QSOX2: variants seen among roughly 807,000 people sequenced by gnomAD.
The protein encoded by QSOX2 is sulfhydryl oxidase 2.
A neutral mutation model predicts 61.7 loss-of-function variants in QSOX2; 46 were observed. That is an observed-to-expected ratio of 0.75 (90% confidence interval 0.59 to 0.95). QSOX2 has a LOEUF of 0.95. Ranked by LOEUF, QSOX2 falls within the 40% of genes least tolerant of loss-of-function variation. QSOX2 has a pLI of 0.00. For missense variants in QSOX2, 879 were observed against 918.9 expected (o/e 0.96, Z 0.56); for synonymous variants, 383 against 388.4 (o/e 0.99, Z 0.16).
intron 1 of QSOX2, among the ~76,000 whole-genome samples, chr9:136,230,581 G>A (rs571749063): frequency 1.2e-4 from 19 of 152,170 alleles, no homozygotes; most frequent in East Asian, 1.9e-4. Context: ...TCCTTATCAC[G>A]TCGGGCCACA....
intron 6 of QSOX2, 63 bp from the exon 7 acceptor site, chr9:136,219,227 C>A: frequency 6.4e-7 from 1 of 1,570,202 alleles, no homozygotes; most frequent in Non-Finnish European, 8.6e-7. Flanking sequence ...AAGTAGGAGC[C>A]GTGGCATTCA....
At chr9:136,216,491 C>G in intron 9 of QSOX2, 109 bp downstream of exon 9, 1 of 1,450,208 alleles carries the variant, frequency 6.9e-7, no homozygotes, top group South Asian at 1.2e-5. Flanking sequence ...GCTCCCCTTC[C>G]TCACAGCGGA....
Position 136,245,528 on chromosome 9 carries a change from G to A in QSOX2, c.276C>T (p.Gly92=), listed in dbSNP as rs782143831. ...AAGTGGGCGCGTAGCCGATGCAGTG[G>A]CCACACCACGACGAGTAGAACTGCA... The part of the protein sequence containing the change: ...WLVQFYSSWC[G]HCIGYAPTWR... Residue 92 remains glycine, a synonymous_variant, in exon 1 of 12, where the codon GGC becomes GGT. Coordinates refer to ENST00000358701, the MANE Select transcript of QSOX2 (RefSeq NM_181701.4). 1.8e-5 allele frequency: 28 copies of A among 1,594,052 alleles called. No homozygotes were observed. The highest frequency in any genetic ancestry group is 1.7e-6 in the Non-Finnish European group (2 of 1,177,494).
chr9:136,228,260 T>G (rs879669549), intron 1 of QSOX2, among the ~76,000 whole-genome samples: 1 of 152,094 alleles, frequency 6.6e-6, no homozygotes, highest in African/African-American at 2.4e-5. Flanking sequence ...TGACGTGTCA[T>G]CTCTCACCGT....
Position 136,223,948 on chromosome 9 carries a change from A to G in QSOX2, c.584+59T>C. The G allele has an allele frequency of 6.3e-7, 1 of 1,578,248 alleles. No individual in the cohort carries two copies. Among genetic ancestry groups the G allele is most frequent in the Non-Finnish European group, 8.7e-7 (1 of 1,148,476 alleles). ...CCACATCACTTAATAGAAACCTATT[A>G]CGTTTCTTGCACAGTTCAACACGAG... On this transcript the variant is annotated intron_variant, in intron 4 of 11. Transcript: ENST00000358701. The surrounding 1 kb of genome is among the most constrained non-coding windows in gnomAD (Gnocchi z 4.4).
intron 1 of QSOX2, among the ~76,000 whole-genome samples, chr9:136,235,057 G>A (rs528547822): frequency 1.0e-3 from 156 of 152,334 alleles, no homozygotes; most frequent in African/African-American, 3.4e-3. Context: ...GACCCTCCTT[G>A]CAGGTGGAGA....
chr9:136,232,917 CAAAAAAAAAAA>C (rs60814748), intron 1 of QSOX2, among the ~76,000 whole-genome samples: 2 of 45,518 alleles, frequency 4.4e-5, no homozygotes, highest in African/African-American at 7.3e-5. Context: ...GAACCTGTCT[CAAAAAAAAAAA>C]AAAAAAAAAA....
intron 1 of QSOX2, among the ~76,000 whole-genome samples, chr9:136,239,187 C>G (rs1031290936): frequency 6.6e-6 from 1 of 152,222 alleles, no homozygotes; most frequent in Admixed American, 6.5e-5. Flanking sequence ...ATAGGTAACT[C>G]ATTTATTTTA....
chr9:136,234,007 A>ACCT (rs1346603966), intron 1 of QSOX2, among the ~76,000 whole-genome samples: 1 of 152,028 alleles, frequency 6.6e-6, no homozygotes, highest in African/African-American at 2.4e-5. Context: ...TACTGCCTCC[A>ACCT]CCTCCTCTGC....
chr9:136,210,020 C>T (rs1831826682), intron 11 of QSOX2: 1 of 985,426 alleles, frequency 1.0e-6, no homozygotes, highest in South Asian at 4.7e-5. Context: ...TAAACACAAC[C>T]ACGTTTGTCT....
chr9:136,224,159 G>A (rs1044018270), intron 3 of QSOX2, 47 bp from the exon 4 acceptor site: 48 of 1,482,408 alleles, frequency 3.2e-5, no homozygotes, highest in East Asian at 4.5e-5. Context: ...GGCTGTCCTC[G>A]TGGGGCAGGC....
At chr9:136,230,148 G>A (rs1475155819) in intron 1 of QSOX2, among the ~76,000 whole-genome samples, 1 of 152,204 alleles carries the variant, frequency 6.6e-6, no homozygotes, top group African/African-American at 2.4e-5. Flanking sequence ...GCGTGGTGGT[G>A]CGTGCCTGTA....
chr9:136,245,517 C>G lies in QSOX2; in HGVS notation c.287G>C (p.Gly96Ala), dbSNP rs1830465747. 1.3e-6 allele frequency: 2 copies of G among 1,594,412 alleles called. No individual in the cohort carries two copies. Among genetic ancestry groups the G allele is most frequent in the African/African-American group, 1.3e-5 (1 of 74,170 alleles). The change falls in exon 1 of 12, where the codon GGC becomes GCC. Residue 96 changes from glycine to alanine, a missense_variant. Coordinates refer to ENST00000358701, the MANE Select transcript of QSOX2 (RefSeq NM_181701.4). ...CAGGGCCCGCCAAGTGGGCGCGTAG[C>G]CGATGCAGTGGCCACACCACGACGA... ...FYSSWCGHCIGYAPTWRALAG... is the reference protein window; with the variant it reads ...FYSSWCGHCIAYAPTWRALAG...
intron 1 of QSOX2, among the ~76,000 whole-genome samples, chr9:136,233,493 T>C (rs770145267): frequency 6.6e-6 from 1 of 152,100 alleles, no homozygotes; most frequent in East Asian, 1.9e-4. Context: ...AGAGGAAACA[T>C]GATGACAGCT....
chr9:136,218,015 T>G (rs10122824), intron 8 of QSOX2, among the ~76,000 whole-genome samples: 102,847 of 152,170 alleles, frequency 0.68, 35,198 homozygotes, highest in African/African-American at 0.77. Context: ...TTTGGCAAGA[T>G]AAATATTTTA....
chr9:136,218,451 C>T (rs943623453), intron 8 of QSOX2, among the ~76,000 whole-genome samples: 1 of 152,264 alleles, frequency 6.6e-6, no homozygotes, highest in Admixed American at 6.5e-5. Flanking sequence ...CACACCCCCG[C>T]CCCTCTCTAC....
At position 136,215,395 on chromosome 9, in the gene QSOX2, G is replaced by C. The variant is rs1056172086; in HGVS notation, c.1210-91C>G. ...GACAGCTGCCTTCTTGACTGGGGGG[G>C]GTGGATAATGGGGGTGTGGTTTACT... is the stretch of plus-strand genomic sequence containing the variant. On this transcript the variant is annotated intron_variant, in intron 9 of 11. Transcript: ENST00000358701. 2.7e-5 allele frequency: 25 copies of C among 942,380 alleles called. No individual in the cohort carries two copies. The South Asian group carries it at 3.5e-4, about 13-fold the overall frequency. The allele number at this position is 942,380 out of a possible 1,614,324, so 58.4% of individuals were successfully genotyped here.
intron 1 of QSOX2, among the ~76,000 whole-genome samples, chr9:136,236,844 C>T (rs1830387878): frequency 6.7e-6 from 1 of 148,826 alleles, no homozygotes; most frequent in South Asian, 2.1e-4. Context: ...TCCTGTCCCA[C>T]ACCTGGAGCC....
In QSOX2 at chr9:136,223,021, G is replaced by C. The variant is rs537099931; in HGVS notation, c.675+742C>G. Among the ~76,000 whole-genome samples the C allele has an allele frequency of 1.3e-5, 2 of 152,246 alleles. No homozygotes were observed. Among genetic ancestry groups the C allele is most frequent in the Non-Finnish European group, 2.9e-5 (2 of 68,044 alleles). ...GGGCAGCCAGGGCACAAAGCGAGACGGTCACAGTGCAGGTGTCTGCAGCTG... is the reference window on the plus strand; with the variant it reads ...GGGCAGCCAGGGCACAAAGCGAGACCGTCACAGTGCAGGTGTCTGCAGCTG... On this transcript the variant is annotated intron_variant, in intron 5 of 11. Transcript: ENST00000358701. The surrounding 1 kb of genome is among the most constrained non-coding windows in gnomAD (Gnocchi z 4.4).
Sources: gnomAD v4.1 joint callset for allele counts (sites outside exome capture counted in the v4.1 genomes callset) on GRCh38, gnomAD v4.1.1 for gene constraint, Gnocchi (gnomAD v3.1) non-coding constraint, MANE v1.5 for transcripts, NCBI Gene and HGNC (gene_info 2026-07-23, HGNC 2026-07-21) for gene names.